INCENP: variants seen among roughly 807,000 people sequenced by gnomAD.
The protein encoded by INCENP is inner centromere protein.
A neutral mutation model predicts 107.3 loss-of-function variants in INCENP; 43 were observed. That is an observed-to-expected ratio of 0.40 (90% CI 0.31 to 0.52). The LOEUF is 0.52. INCENP is among the 20% of genes least tolerant of loss of function. The pLI is 0.53. For missense variants in INCENP, 1,089 were observed against 1,250.9 expected, an observed-to-expected ratio of 0.87 and a Z score of 1.95; for synonymous variants, 488 against 494.4, an observed-to-expected ratio of 0.99 and a Z score of 0.17.
Position 62,151,831 on chromosome 11 carries a change from C to G in INCENP, c.2612C>G (p.Thr871Ser), listed in dbSNP as rs776335836. ...HPPNLLELFG[T>S]ILPLDLEDIF... is the part of the protein sequence containing the mutation. ...CCGAACCTTCTGGAGCTCTTTGGAACCATTCTCCCACTGGACTTGGAGGAT... is the reference window on the plus strand; with the variant it reads ...CCGAACCTTCTGGAGCTCTTTGGAAGCATTCTCCCACTGGACTTGGAGGAT... Residue 871 changes from threonine to serine, a missense_variant, in exon 19 of 19, where the codon ACC becomes AGC. Coordinates refer to ENST00000394818, the MANE Select transcript of INCENP (RefSeq NM_001040694.2). The G allele has an allele frequency of 6.2e-7, 1 of 1,614,156 alleles. No individual in the cohort carries two copies.
intron 10 of INCENP, 45 bp downstream of exon 10, chr11:62,141,089 T>C: frequency 6.3e-7 from 1 of 1,584,790 alleles, no homozygotes; most frequent in Non-Finnish European, 8.6e-7. Flanking sequence ...AGCTGGGCAG[T>C]GTGGCTGAAG....
intron 1 of INCENP, among the ~76,000 whole-genome samples, chr11:62,127,628 T>C (rs11230918): frequency 0.25 from 38,364 of 152,008 alleles, 6,325 homozygotes; most frequent in Middle Eastern, 0.39. Flanking sequence ...GGCAGTTGGG[T>C]TTGATGTTCT....
At chr11:62,151,271 G>A (rs890149162) in intron 18 of INCENP, among the ~76,000 whole-genome samples, 7 of 152,268 alleles carry the variant, frequency 4.6e-5, no homozygotes, top group South Asian at 2.1e-4. Flanking sequence ...CCTCAGCCCC[G>A]TTGTCAGGAC....
At chr11:62,135,269 T>C (rs1943967530) in intron 4 of INCENP, among the ~76,000 whole-genome samples, 5 of 152,076 alleles carry the variant, frequency 3.3e-5, no homozygotes, top group African/African-American at 9.7e-5. Context: ...TGTTTTTTTT[T>C]GTTTTGTTTT....
intron 4 of INCENP, among the ~76,000 whole-genome samples, chr11:62,132,499 T>G (rs1943912788): frequency 6.6e-6 from 1 of 152,236 alleles, no homozygotes; most frequent in South Asian, 2.1e-4. Flanking sequence ...TGTCTATTTC[T>G]GGATTCTCAG....
intron 17 of INCENP, among the ~76,000 whole-genome samples, chr11:62,149,713 G>A (rs981125823): frequency 2.6e-5 from 4 of 152,114 alleles, no homozygotes; most frequent in Non-Finnish European, 5.9e-5. Flanking sequence ...TTGAGGTCAG[G>A]AGTTCGAGAC....
At chr11:62,141,592 G>A in intron 11 of INCENP, 81 bp downstream of exon 11, 1 of 1,536,416 alleles carries the variant, frequency 6.5e-7, no homozygotes. Flanking sequence ...GTAGCTGACA[G>A]CACCTGTAGA....
chr11:62,147,931 T>G (rs978781734), intron 15 of INCENP, among the ~76,000 whole-genome samples: 1 of 152,236 alleles, frequency 6.6e-6, no homozygotes, highest in Admixed American at 6.5e-5. Context: ...TACACCTGTT[T>G]CCTTGTTTAG....
chr11:62,139,045 AC>A, intron 7 of INCENP, 40 bp downstream of exon 7: 1 of 1,455,774 alleles, frequency 6.9e-7, no homozygotes, highest in Non-Finnish European at 9.6e-7. Context: ...GCCCGGAGCC[AC>A]AGCGGGCCTT....
At chr11:62,139,591 A>G (rs1323297259) in intron 7 of INCENP, among the ~76,000 whole-genome samples, 8 of 152,180 alleles carry the variant, frequency 5.3e-5, no homozygotes, top group Admixed American at 5.2e-4. Flanking sequence ...TGCAGCCCCA[A>G]GGGCTGCTGT....
rs555849511 is a variant in INCENP, at chr11:62,152,306, T to G, written c.*330T>G. On this transcript the variant is annotated 3_prime_UTR_variant, in exon 19 of 19. Transcript: ENST00000394818. ...GCATTTTAGCGTTTGGGAGGTAGAT[T>G]AATAAAGTATATTCCTTCAAGCCTG... 8 of 351,522 alleles carry G rather than the reference T, an allele frequency of 2.3e-5. No individual in the cohort carries two copies. Among genetic ancestry groups the G allele is most frequent in the African/African-American group, 1.5e-4 (7 of 47,570 alleles). The allele number at this position is 351,522 out of a possible 1,614,324, so 21.8% of individuals were successfully genotyped here.
chr11:62,146,068 T>C (rs1203443772), intron 14 of INCENP, among the ~76,000 whole-genome samples: 1 of 152,190 alleles, frequency 6.6e-6, no homozygotes, highest in Non-Finnish European at 1.5e-5. Context: ...CAAGTAGCAG[T>C]GAGGGTTAAA....
In INCENP at chr11:62,151,772, C is replaced by G; in HGVS notation, c.2553C>G (p.Leu851=). Residue 851 remains leucine, a synonymous_variant, in exon 19 of 19, where the codon CTC becomes CTG. Transcript: ENST00000394818. ...PIPTWARGTP[L]SQAIIHQYYH... is the part of the protein sequence containing the mutation. Reference sequence around the variant, plus strand: ...TGTGGTCTCCTGCAGGCACCCCGCTCAGCCAGGCTATCATTCACCAGTACT... The same window carrying G: ...TGTGGTCTCCTGCAGGCACCCCGCTGAGCCAGGCTATCATTCACCAGTACT... 6.2e-7 allele frequency: 1 copy of G among 1,614,040 alleles called. No individual in the cohort carries two copies. Among genetic ancestry groups the G allele is most frequent in the East Asian group, 2.2e-5 (1 of 44,868 alleles).
chr11:62,143,363 C>T (rs968901475), intron 11 of INCENP, among the ~76,000 whole-genome samples: 2 of 152,088 alleles, frequency 1.3e-5, no homozygotes, highest in Non-Finnish European at 2.9e-5. Flanking sequence ...GACTAGAGGG[C>T]TTGTCCTGGA....
Position 62,130,414 on chromosome 11 carries a change from C to T in INCENP, c.887C>T (p.Ser296Phe). The stretch of plus-strand genomic sequence containing the variant: ...GATAACTTCTCCACGCCCACGGGCT[C>T]TCGCACGGACTCTCAATCGGTGCGG... ...LPDNFSTPTG[S>F]RTDSQSVRHS... The change falls in exon 4 of 19, where the codon TCT becomes TTT. Residue 296 changes from serine to phenylalanine, a missense_variant. Ser to Phe is a radical substitution (Grantham distance 155). Transcript: ENST00000394818. 1 of 1,613,702 alleles carries T rather than the reference C, an allele frequency of 6.2e-7. No individual in the cohort carries two copies. The highest frequency in any genetic ancestry group is 1.1e-5 in the South Asian group (1 of 91,090).
At chr11:62,127,013 T>A (rs1308398525) in intron 1 of INCENP, among the ~76,000 whole-genome samples, 1 of 151,630 alleles carries the variant, frequency 6.6e-6, no homozygotes, top group Non-Finnish European at 1.5e-5. Context: ...TGCTTGAAGT[T>A]TTTGTAATGG....
chr11:62,136,464 T>A (rs1031365942), intron 4 of INCENP, among the ~76,000 whole-genome samples: 1 of 152,072 alleles, frequency 6.6e-6, no homozygotes, highest in Non-Finnish European at 1.5e-5. Context: ...GGTGGTTCAC[T>A]TGAGGACGAG....
intron 7 of INCENP, among the ~76,000 whole-genome samples, chr11:62,139,904 A>G (rs956686705): frequency 5.9e-5 from 9 of 151,564 alleles, no homozygotes; most frequent in Admixed American, 2.0e-4. Flanking sequence ...ACTCGCGGGG[A>G]GGTGTTCGTG....
chr11:62,144,769 G>A (rs375999394), intron 11 of INCENP: 144 of 759,966 alleles, frequency 1.9e-4, no homozygotes, highest in African/African-American at 1.4e-3. Context: ...AGGCCCTTGC[G>A]AGGTAGCTGA....
Sources: allele counts gnomAD v4.1 joint callset (sites outside exome capture counted in the v4.1 genomes callset), GRCh38; gene constraint gnomAD v4.1.1; transcripts MANE v1.5; gene names NCBI Gene and HGNC (gene_info 2026-07-23, HGNC 2026-07-21).